Variants in NTRK2 observed in about 807,000 individuals in gnomAD.
The protein encoded by NTRK2 is BDNF/NT-3 growth factors receptor.
NTRK2 carries 13 observed loss-of-function variants against 94.5 expected under a neutral mutation model. The ratio of observed to expected loss-of-function variants is 0.14; its 90% CI spans 0.09 to 0.22. The LOEUF (loss-of-function observed/expected upper bound fraction) is 0.22. Ranked by LOEUF, NTRK2 falls within the 10% of genes least tolerant of loss-of-function variation. The pLI is 1.00. For missense variants in NTRK2, 639 were observed against 1,071.2 expected, an observed-to-expected ratio of 0.60 and a Z score of 5.63; for synonymous variants, 372 against 407.4, an observed-to-expected ratio of 0.91 and a Z score of 1.05.
At chr9:84,752,387 A>G (rs1023071375) in intron 12 of NTRK2, among the ~76,000 whole-genome samples, 2 of 152,188 alleles carry the variant, frequency 1.3e-5, no homozygotes, top group South Asian at 2.1e-4. Flanking sequence ...TGCTCCAGAA[A>G]GGCAGGTGAG....
At chr9:84,802,350 CATAT>C (rs1178071901) in intron 12 of NTRK2, among the ~76,000 whole-genome samples, 2 of 152,170 alleles carry the variant, frequency 1.3e-5, no homozygotes, top group African/African-American at 4.8e-5. Context: ...GGGTTTTCCT[CATAT>C]ATAAATTCCA....
At chr9:84,803,804 G>C (rs912376098) in intron 12 of NTRK2, among the ~76,000 whole-genome samples, 1 of 152,124 alleles carries the variant, frequency 6.6e-6, no homozygotes, top group Non-Finnish European at 1.5e-5. Flanking sequence ...TGTATGTTTC[G>C]CATTCCGGAA....
intron 17 of NTRK2, among the ~76,000 whole-genome samples, chr9:85,012,394 C>T (rs1238985409): frequency 6.6e-6 from 1 of 152,162 alleles, no homozygotes; most frequent in Non-Finnish European, 1.5e-5. Context: ...GGTCACTTAA[C>T]TTCCACCACA....
At chr9:84,816,701 C>T (rs1434471029) in intron 12 of NTRK2, among the ~76,000 whole-genome samples, 1 of 147,466 alleles carries the variant, frequency 6.8e-6, no homozygotes, top group East Asian at 2.0e-4. Context: ...ATCATTTGAA[C>T]CCAGGAGGTG....
intron 14 of NTRK2, among the ~76,000 whole-genome samples, chr9:84,923,941 A>G (rs78540227): frequency 0.054 from 8,182 of 151,984 alleles, 306 homozygotes; most frequent in East Asian, 0.12. Context: ...ACAAACAAAC[A>G]AAAAACTGTA....
intron 18 of NTRK2, among the ~76,000 whole-genome samples, chr9:85,020,966 C>A (rs1446650577): frequency 6.6e-6 from 1 of 152,170 alleles, no homozygotes; most frequent in East Asian, 1.9e-4. Context: ...CCAATAAAAA[C>A]CACAACATGT....
chr9:84,812,537 C>G, intron 12 of NTRK2: 1 of 1,046,752 alleles, frequency 9.6e-7, no homozygotes, highest in Non-Finnish European at 1.2e-6. Context: ...CGATCTTTCC[C>G]AAAGGTGTTG....
intron 6 of NTRK2, among the ~76,000 whole-genome samples, chr9:84,712,615 G>T (rs2061483797): frequency 6.6e-6 from 1 of 152,064 alleles, no homozygotes; most frequent in South Asian, 2.1e-4. Flanking sequence ...TATCGTTTTT[G>T]TGTTCTTAAC....
intron 9 of NTRK2, among the ~76,000 whole-genome samples, chr9:84,730,537 G>C (rs538118389): frequency 1.5e-5 from 2 of 134,202 alleles, no homozygotes; most frequent in South Asian, 4.3e-4. Context: ...TCAGGAGATC[G>C]AGACCATCCT....
At chr9:84,971,344 C>T (rs557936510) in intron 17 of NTRK2, among the ~76,000 whole-genome samples, 242 of 152,234 alleles carry the variant, frequency 1.6e-3, no homozygotes, top group African/African-American at 4.9e-3. Flanking sequence ...CAAATAATTC[C>T]ACAAACACAT....
chr9:84,950,848 C>T (rs983904715), intron 16 of NTRK2, among the ~76,000 whole-genome samples: 1 of 152,148 alleles, frequency 6.6e-6, no homozygotes, highest in Admixed American at 6.5e-5. Context: ...GCCACAATTT[C>T]CTCTTCATTT....
chr9:84,822,140 CTT>C (rs2072889059), intron 12 of NTRK2, among the ~76,000 whole-genome samples: 1 of 152,028 alleles, frequency 6.6e-6, no homozygotes, highest in Non-Finnish European at 1.5e-5. Flanking sequence ...ATCAGAGAGT[CTT>C]TTTCTAGTGG....
At chr9:84,957,964 G>C (rs531349134) in intron 17 of NTRK2, among the ~76,000 whole-genome samples, 3 of 152,182 alleles carry the variant, frequency 2.0e-5, no homozygotes, top group Non-Finnish European at 2.9e-5. Context: ...CTCTAAAACA[G>C]TGTGCTAAGT....
At chr9:84,900,315 C>A (rs2076888752) in intron 14 of NTRK2, among the ~76,000 whole-genome samples, 1 of 152,166 alleles carries the variant, frequency 6.6e-6, no homozygotes, top group Admixed American at 6.5e-5. Flanking sequence ...GACGTGGGAC[C>A]AGACATCAAG....
chr9:85,005,608 C>T (rs1830870548), intron 17 of NTRK2, among the ~76,000 whole-genome samples: 1 of 152,174 alleles, frequency 6.6e-6, no homozygotes, highest in African/African-American at 2.4e-5. Flanking sequence ...TGCAGCTGTG[C>T]TTATTATACA....
At chr9:84,718,239 T>C (rs1807722997) in intron 6 of NTRK2, among the ~76,000 whole-genome samples, 1 of 152,200 alleles carries the variant, frequency 6.6e-6, no homozygotes, top group African/African-American at 2.4e-5. Flanking sequence ...CCGACACTTA[T>C]GGTCTAAATC....
chr9:84,866,166 A>C (rs1254264737), intron 13 of NTRK2, among the ~76,000 whole-genome samples: 1 of 152,348 alleles, frequency 6.6e-6, no homozygotes, highest in African/African-American at 2.4e-5. Flanking sequence ...ATTGTTATAA[A>C]AGTATTTTGT....
chr9:84,863,617 G>A (rs971785521), intron 13 of NTRK2, among the ~76,000 whole-genome samples: 7 of 152,092 alleles, frequency 4.6e-5, no homozygotes, highest in Non-Finnish European at 1.0e-4. Flanking sequence ...TCATTGTCCC[G>A]CTGAGAGCTT....
At position 84,724,337 on chromosome 9, in the gene NTRK2, T is replaced by G. The variant is rs907247659; in HGVS notation, c.834T>G (p.Ser278=). 3 of 1,614,076 alleles carry G rather than the reference T, an allele frequency of 1.9e-6. No individual in the cohort carries two copies. Among genetic ancestry groups the G allele is most frequent in the Non-Finnish European group, 1.7e-6 (2 of 1,180,010 alleles). The change falls in exon 8 of 19, where the codon TCT becomes TCG. Residue 278 remains serine (S), a synonymous_variant. Coordinates refer to ENST00000277120, the MANE Select transcript of NTRK2 (RefSeq NM_006180.6). The part of the protein sequence containing the change: ...AENLVGEDQD[S]VNLTVHFAPT... ...ATCTTGTAGGAGAAGATCAAGATTC[T>G]GTCAACCTCACTGTGCATTGTACGT...
Sources: allele counts gnomAD v4.1 joint callset (sites outside exome capture counted in the v4.1 genomes callset), GRCh38; gene constraint gnomAD v4.1.1; transcripts MANE v1.5; gene names NCBI Gene and HGNC (gene_info 2026-07-23, HGNC 2026-07-21).